BSN: variants seen among roughly 807,000 people sequenced by gnomAD.
The protein encoded by BSN is bassoon presynaptic cytomatrix protein, also known as protein bassoon.
Under a neutral mutation model 264.8 loss-of-function variants are expected in BSN, and 57 were observed. The ratio of observed to expected loss-of-function variants is 0.22; its 90% CI spans 0.17 to 0.27. The LOEUF is 0.27. Ranked by LOEUF, BSN falls within the 10% of genes least tolerant of loss-of-function variation. The pLI is 1.00. For missense variants in BSN, 4,615 were observed against 5,232.5 expected, an observed-to-expected ratio of 0.88 and a Z score of 3.64; for synonymous variants, 2,059 against 2,137.3, an observed-to-expected ratio of 0.96 and a Z score of 1.01.
At chr3:49,560,258 T>C (rs2051702203) in intron 1 of BSN, among the ~76,000 whole-genome samples, 1 of 152,112 alleles carries the variant, frequency 6.6e-6, no homozygotes, top group South Asian at 2.1e-4. Context: ...AGACCTACTA[T>C]GTGTGGGCTA....
At chr3:49,627,450 G>A (rs912469765) in intron 2 of BSN, among the ~76,000 whole-genome samples, 5 of 152,220 alleles carry the variant, frequency 3.3e-5, no homozygotes, top group Admixed American at 6.5e-5. Flanking sequence ...TTCCTGAGGG[G>A]TGATAAAGCA....
In BSN at chr3:49,650,770, G is replaced by A; in HGVS notation, c.1677G>A (p.Gln559=). 2.5e-6 allele frequency: 4 copies of A among 1,613,820 alleles called. No homozygotes were observed. Among genetic ancestry groups the A allele is most frequent in the Non-Finnish European group, 3.4e-6 (4 of 1,179,948 alleles). ...GTSPLKQKGP[Q]GLGQPSGPLP... is the part of the protein sequence containing the mutation. ...CCCCTCTGAAGCAGAAAGGGCCACA[G>A]GGGCTGGGCCAGCCTTCAGGCCCCC... Residue 559 remains glutamine, a synonymous_variant, in exon 4 of 12, where the codon CAG becomes CAA. Coordinates refer to ENST00000296452, the MANE Select transcript of BSN (RefSeq NM_003458.4).
At chr3:49,623,357 C>G (rs2052319183) in intron 1 of BSN, among the ~76,000 whole-genome samples, 1 of 152,208 alleles carries the variant, frequency 6.6e-6, no homozygotes, top group African/African-American at 2.4e-5. Context: ...GAGAGAATTT[C>G]AGGGAAGCAG....
intron 2 of BSN, among the ~76,000 whole-genome samples, chr3:49,637,793 C>T (rs547143264): frequency 3.3e-5 from 5 of 152,338 alleles, no homozygotes; most frequent in African/African-American, 1.2e-4. Flanking sequence ...TCCCCCACCT[C>T]TTAAACCACC....
At chr3:49,612,697 A>G (rs1298433291) in intron 1 of BSN, among the ~76,000 whole-genome samples, 1 of 152,232 alleles carries the variant, frequency 6.6e-6, no homozygotes, top group Non-Finnish European at 1.5e-5. Context: ...AATTCAGACA[A>G]TAGAAAAACA....
At chr3:49,616,323 G>A (rs538579696) in intron 1 of BSN, among the ~76,000 whole-genome samples, 13 of 152,332 alleles carry the variant, frequency 8.5e-5, no homozygotes, top group Non-Finnish European at 1.8e-4. Context: ...TGGGTGCACA[G>A]GAACCACTGG....
At chr3:49,573,885 G>A (rs1353831237) in intron 1 of BSN, among the ~76,000 whole-genome samples, 1 of 151,942 alleles carries the variant, frequency 6.6e-6, no homozygotes, top group African/African-American at 2.4e-5. Context: ...TCGAACTCCC[G>A]ACCTCAGGTG....
chr3:49,652,766 G>A lies in BSN; in HGVS notation c.3210G>A (p.Thr1070=), dbSNP rs4855885. 1,306,555 of 1,548,194 alleles carry A rather than the reference G, an allele frequency of 0.84. 552,976 individuals carry two copies. The highest frequency in any genetic ancestry group is 1 in the East Asian group (44,176 of 44,320). ...REVEQQRIRS[T]ARKTRRDKEE... ...TGGAGCAGCAGCGCATCCGCAGCACGGCCCGCAAGACCCGGCGGGACAAGG... is the reference window on the plus strand; with the variant it reads ...TGGAGCAGCAGCGCATCCGCAGCACAGCCCGCAAGACCCGGCGGGACAAGG... The change falls in exon 5 of 12, where the codon ACG becomes ACA. Residue 1070 remains threonine, a synonymous_variant. Coordinates refer to ENST00000296452, the MANE Select transcript of BSN (RefSeq NM_003458.4).
chr3:49,602,078 G>A (rs754380384), intron 1 of BSN, among the ~76,000 whole-genome samples: 20 of 152,240 alleles, frequency 1.3e-4, no homozygotes, highest in Non-Finnish European at 2.8e-4. Context: ...AGCCTACTGT[G>A]TTTGGGTGAG....
In BSN at chr3:49,654,153, G is replaced by C. The variant is rs750341871; in HGVS notation, c.4597G>C (p.Gly1533Arg). Residue 1533 changes from glycine (G) to arginine (R), a missense_variant, in exon 5 of 12, where the codon GGT (glycine) becomes CGT (arginine). Gly to Arg is a moderately radical substitution (Grantham distance 125). Around this residue, in one of 3 missense-constraint regions of BSN, gnomAD observed 3,415 missense variants for 3,866.4 expected, o/e 0.88. Transcript: ENST00000296452. The surrounding 1 kb of genome is among the most constrained non-coding windows in gnomAD (Gnocchi z 4.1). ...CACTCCATCACCTATGGTAGCCCAG[G>C]GTACACAAACACCACATCGACCCAG... ...APTPSPMVAQ[G>R]TQTPHRPSTP... 2 of 1,614,008 alleles carry C rather than the reference G, an allele frequency of 1.2e-6. No individual in the cohort carries two copies. Among genetic ancestry groups the C allele is most frequent in the Non-Finnish European group, 1.7e-6 (2 of 1,180,028 alleles).
rs1289175626 is a variant in BSN at position 49,665,067 on chromosome 3, G to A, written c.*15-162G>A. ...CCCCTACCATGGGGCCAACACAGTA[G>A]GGGTCCCCAGCAAAGGAGGGGCCAA... On this transcript the variant is annotated intron_variant, in intron 10 of 11. Coordinates refer to ENST00000296452, the MANE Select transcript of BSN (RefSeq NM_003458.4). Among the ~76,000 whole-genome samples, 3 of 152,174 alleles carry A rather than the reference G, an allele frequency of 2.0e-5. No individual in the cohort carries two copies. The highest frequency in any genetic ancestry group is 7.2e-5 in the African/African-American group (3 of 41,444).
In BSN at chr3:49,651,957, G is replaced by A. The variant is rs141740647; in HGVS notation, c.2401G>A (p.Glu801Lys). 107 of 1,613,210 alleles carry A rather than the reference G, an allele frequency of 6.6e-5. No homozygotes were observed. Among genetic ancestry groups the A allele is most frequent in the Non-Finnish European group, 8.5e-5 (100 of 1,179,726 alleles). Residue 801 changes from glutamate to lysine, a missense_variant, in exon 5 of 12, where the codon GAG becomes AAG. Coordinates refer to ENST00000296452, the MANE Select transcript of BSN (RefSeq NM_003458.4). This position sits in a 1 kb window ranked among gnomAD's most constrained non-coding sequence, Gnocchi z 5.4. ...CCGGAGAGAGCAGCAGGACACTGCC[G>A]AGTCCTCAGACGACTTTGGCAGCCA... Reference protein sequence around the residue: ...RRRREQQDTAESSDDFGSQLR... With the variant: ...RRRREQQDTAKSSDDFGSQLR...
At chr3:49,601,434 G>T (rs1290311051) in intron 1 of BSN, among the ~76,000 whole-genome samples, 1 of 152,186 alleles carries the variant, frequency 6.6e-6, no homozygotes, top group Admixed American at 6.5e-5. Flanking sequence ...TTCATGGGGT[G>T]TACCAGTGCC....
In BSN at chr3:49,655,443, C is replaced by T. The variant is rs1229404446; in HGVS notation, c.5887C>T (p.Pro1963Ser). ...PTYRAQGVVG[P>S]GPHEEQRPYP... is the part of the protein sequence containing the mutation. ...CTACCGGGCACAGGGGGTGGTGGGGCCTGGGCCCCATGAGGAGCAGAGGCC... is the reference window on the plus strand; with the variant it reads ...CTACCGGGCACAGGGGGTGGTGGGGTCTGGGCCCCATGAGGAGCAGAGGCC... Residue 1963 changes from proline (P) to serine (S), a missense_variant, in exon 5 of 12, where the codon CCT (proline) becomes TCT (serine). Transcript: ENST00000296452. The T allele has an allele frequency of 1.3e-6, 2 of 1,573,066 alleles. No individual in the cohort carries two copies. Among genetic ancestry groups the T allele is most frequent in the East Asian group, 4.5e-5 (2 of 44,496 alleles).
rs111284437 is a variant in BSN at position 49,655,390 on chromosome 3, G to A, written c.5834G>A (p.Arg1945Gln). 4.4e-6 allele frequency: 7 copies of A among 1,577,856 alleles called. No homozygotes were observed. The highest frequency in any genetic ancestry group is 2.7e-5 in the African/African-American group (2 of 74,282). Residue 1945 changes from arginine (R) to glutamine (Q), a missense_variant, in exon 5 of 12, where the codon CGG (arginine) becomes CAG (glutamine). Coordinates refer to ENST00000296452, the MANE Select transcript of BSN (RefSeq NM_003458.4). ...AGCAGCAGCCCCTTCTATGGTCCCCGGGACCCTGAGCCTCCTGAGCCCCCA... is the reference window on the plus strand; with the variant it reads ...AGCAGCAGCCCCTTCTATGGTCCCCAGGACCCTGAGCCTCCTGAGCCCCCA... ...GQSSSPFYGP[R>Q]DPEPPEPPTY... is the part of the protein sequence containing the mutation.
Position 49,650,613 on chromosome 3 carries a change from A to T in BSN, c.1520A>T (p.Lys507Ile). ...ACCCCCTCTCCCATTTCCTTGCAGAAAACAGAGTGGCTCTGTCTGAACTGC... is the reference window on the plus strand; with the variant it reads ...ACCCCCTCTCCCATTTCCTTGCAGATAACAGAGTGGCTCTGTCTGAACTGC... ...GFNPTPHLVE[K>I]TEWLCLNCQT... Residue 507 changes from lysine (K) to isoleucine (I), a missense_variant and splice_region_variant, in exon 4 of 12, where the codon AAA becomes ATA. This residue lies in a region of BSN where 1,197 missense variants were observed against 1,348.0 expected (regional missense o/e 0.89). Coordinates refer to ENST00000296452, the MANE Select transcript of BSN (RefSeq NM_003458.4). The T allele has an allele frequency of 1.3e-6, 2 of 1,588,720 alleles. No homozygotes were observed. The highest frequency in any genetic ancestry group is 2.3e-5 in the South Asian group (2 of 86,454).
At chr3:49,596,844 T>C (rs77785280) in intron 1 of BSN, among the ~76,000 whole-genome samples, 1 of 152,190 alleles carries the variant, frequency 6.6e-6, no homozygotes, top group African/African-American at 2.4e-5. Context: ...CTTTTTTTTT[T>C]CTTTAAATCA....
At chr3:49,673,087 C>CTTTTTTTTTTT (rs71080543), downstream of BSN, among the ~76,000 whole-genome samples, 3,165 of 42,964 alleles carry the variant, frequency 0.074, 758 homozygotes, top group East Asian at 0.24. Context: ...CCGGCCGGGA[C>CTTTTTTTTTTT]TTTTTTTTTT....
intron 1 of BSN, among the ~76,000 whole-genome samples, chr3:49,613,345 A>AGAGAGG (rs1454216567): frequency 6.7e-6 from 1 of 149,798 alleles, no homozygotes; most frequent in South Asian, 2.1e-4. Context: ...AGAGAGAGAG[A>AGAGAGG]GAGAAGGGCT....
Sources: gnomAD v4.1 joint callset for allele counts (sites outside exome capture counted in the v4.1 genomes callset) on GRCh38, gnomAD v4.1.1 for gene constraint, gnomAD v4.1.1 regional missense constraint, Gnocchi (gnomAD v3.1) non-coding constraint, MANE v1.5 for transcripts, NCBI Gene and HGNC (gene_info 2026-07-23, HGNC 2026-07-21) for gene names.